Variants in RUVBL2 observed in about 807,000 individuals in gnomAD.
RUVBL2 encodes the protein RuvB like AAA ATPase 2, also known as ruvB-like 2.
A neutral mutation model predicts 57.9 loss-of-function variants in RUVBL2; 9 were observed. That is an observed-to-expected ratio of 0.16 (90% CI 0.09 to 0.27). The LOEUF is 0.27. Ranked by LOEUF, RUVBL2 falls within the 10% of genes least tolerant of loss-of-function variation. The pLI is 1.00. For missense variants in RUVBL2, 456 were observed against 669.6 expected (o/e 0.68, Z 3.52); for synonymous variants, 278 against 264.6 (o/e 1.05, Z -0.49).
intron 13 of RUVBL2, 139 bp downstream of exon 13, chr19:49,015,289 T>C: frequency 8.2e-7 from 1 of 1,225,324 alleles, no homozygotes; most frequent in Non-Finnish European, 1.1e-6. Context: ...GGTTGGCTTC[T>C]GTATCATCCA....
intron 1 of RUVBL2, among the ~76,000 whole-genome samples, chr19:48,996,278 T>C (rs889544987): frequency 7.2e-5 from 11 of 152,178 alleles, no homozygotes; most frequent in African/African-American, 2.6e-4. Flanking sequence ...TGTCAGAAAA[T>C]AATGTAACAG....
intron 1 of RUVBL2, among the ~76,000 whole-genome samples, chr19:48,998,386 C>T (rs773704756): frequency 5.9e-5 from 9 of 152,106 alleles, no homozygotes; most frequent in Non-Finnish European, 1.2e-4. Flanking sequence ...TTATGGAGCT[C>T]ACAGTTATTA....
Position 49,010,376 on chromosome 19 carries a change from C to T in RUVBL2, c.664-112C>T. 4.5e-6 allele frequency: 5 copies of T among 1,113,410 alleles called. No homozygotes were observed. The South Asian group carries it at 5.6e-5, about 12-fold the overall frequency. 69.0% of individuals were successfully genotyped at this position (1,113,410 alleles called of 1,614,324 possible). On this transcript the variant is annotated intron_variant, in intron 8 of 14. Coordinates refer to ENST00000595090, the MANE Select transcript of RUVBL2 (RefSeq NM_006666.3). ...TTTCCAGATGACCCCATTTAGCCTCCCAGCTCCATTTCCTGGAGCTCCAGT... is the reference window on the plus strand; with the variant it reads ...TTTCCAGATGACCCCATTTAGCCTCTCAGCTCCATTTCCTGGAGCTCCAGT...
Position 49,010,482 on chromosome 19 carries a change from C to CCCCCCCCCCCCCCCCT in RUVBL2, c.664-5_664-4insCCCCCCCCCCCCCCTC. 1.2e-6 allele frequency: 2 copies of CCCCCCCCCCCCCCCCT among 1,605,478 alleles called. No individual in the cohort carries two copies. The highest frequency in any genetic ancestry group is 1.1e-5 in the South Asian group (1 of 90,834). ...CCGCCGTTCTTCCCCCACCCCCGCC[C>CCCCCCCCCCCCCCCCT]CATAGACCAAGTTCGTGCAGTGCCC... is the stretch of plus-strand genomic sequence containing the variant. On this transcript the variant is annotated splice_polypyrimidine_tract_variant and splice_region_variant and intron_variant, in intron 8 of 14. Coordinates refer to ENST00000595090, the MANE Select transcript of RUVBL2 (RefSeq NM_006666.3).
chr19:49,010,811 C>T (rs1157238467), intron 9 of RUVBL2, among the ~76,000 whole-genome samples, 188 bp from the exon 10 acceptor site: 1 of 152,206 alleles, frequency 6.6e-6, no homozygotes, highest in Non-Finnish European at 1.5e-5. Context: ...GGGTGTGGCC[C>T]TGCCCTCTCC....
At chr19:48,993,882 C>T, upstream of RUVBL2, 1 of 1,614,090 alleles carries the variant, frequency 6.2e-7, no homozygotes. Flanking sequence ...GTTTCCGTTT[C>T]CGCTAGGACT....
Position 49,009,296 on chromosome 19 carries a change from G to C in RUVBL2, c.463-480G>C, listed in dbSNP as rs1046766778. Among the ~76,000 whole-genome samples the C allele has an allele frequency of 3.3e-5, 5 of 150,278 alleles. No homozygotes were observed. The Admixed American group carries it at 3.3e-4, about 10-fold the overall frequency. ...AAGGTCAGGAGATCGAGACCATCCT[G>C]GCTATCACAGTGAAACCCCATCTCT... On this transcript the variant is annotated intron_variant, in intron 6 of 14. Transcript: ENST00000595090.
intron 4 of RUVBL2, among the ~76,000 whole-genome samples, chr19:49,006,290 G>T (rs532820720): frequency 6.6e-6 from 1 of 152,258 alleles, no homozygotes; most frequent in Non-Finnish European, 1.5e-5. Flanking sequence ...AAACCTTGTG[G>T]CCAGGGAACT....
intron 1 of RUVBL2, 38 bp from the exon 2 acceptor site, chr19:48,999,281 C>CCA (rs2039129844): frequency 2.5e-6 from 4 of 1,611,770 alleles, no homozygotes; most frequent in Non-Finnish European, 3.4e-6. Flanking sequence ...AAAGCTGGGA[C>CCA]CACACTAGTC....
At chr19:49,010,644 C>T in intron 9 of RUVBL2, 33 bp downstream of exon 9, 2 of 1,611,478 alleles carry the variant, frequency 1.2e-6, no homozygotes, top group Non-Finnish European at 1.7e-6. Context: ...CTGCCCTGCC[C>T]TGCCCCAGGC....
In RUVBL2 at chr19:49,006,065, C is replaced by T. The variant is rs564161419; in HGVS notation, c.266-953C>T. On this transcript the variant is annotated intron_variant, in intron 4 of 14. Coordinates refer to ENST00000595090, the MANE Select transcript of RUVBL2 (RefSeq NM_006666.3). Reference sequence around the variant, plus strand: ...GAGGCTAGCCTCGCCCTGGCGGGGACGCTTCTTAGTCTAGTGAAAGAGGCA... The same window carrying T: ...GAGGCTAGCCTCGCCCTGGCGGGGATGCTTCTTAGTCTAGTGAAAGAGGCA... Among the ~76,000 whole-genome samples, 5 of 152,368 alleles carry T rather than the reference C, an allele frequency of 3.3e-5. No individual in the cohort carries two copies. The East Asian group carries it at 9.7e-4, about 29-fold the overall frequency.
chr19:48,999,372 C>A lies in RUVBL2; in HGVS notation c.66C>A (p.Ile22=). ...EIRDVTRIER[I]GAHSHIRGLG... is the part of the protein sequence containing the mutation. ...GTGATGTAACAAGGATTGAGCGAAT[C>A]GGTGAGTGAGTTGGGTCAGGAATAG... is the stretch of plus-strand genomic sequence containing the variant. The change falls in exon 2 of 15, where the codon ATC becomes ATA. Residue 22 remains isoleucine, a splice_region_variant and synonymous_variant. Transcript: ENST00000595090. The A allele has an allele frequency of 6.2e-7, 1 of 1,614,200 alleles. No individual in the cohort carries two copies. The highest frequency in any genetic ancestry group is 8.5e-7 in the Non-Finnish European group (1 of 1,180,030).
At chr19:49,013,264 A>ATT (rs776153588) in intron 11 of RUVBL2, among the ~76,000 whole-genome samples, 12 of 134,346 alleles carry the variant, frequency 8.9e-5, no homozygotes, top group Non-Finnish European at 1.4e-4. Context: ...GTCCGGCCTA[A>ATT]TTTTTTTTTT....
intron 11 of RUVBL2, among the ~76,000 whole-genome samples, chr19:49,013,342 C>T (rs927981556): frequency 6.6e-6 from 1 of 150,824 alleles, no homozygotes; most frequent in African/African-American, 2.4e-5. Flanking sequence ...TCAAGCAATC[C>T]ACCCGCCTCA....
At chr19:48,996,191 G>C (rs1452021642) in intron 1 of RUVBL2, among the ~76,000 whole-genome samples, 2 of 151,890 alleles carry the variant, frequency 1.3e-5, no homozygotes, top group Non-Finnish European at 2.9e-5. Flanking sequence ...AGGAGACCTG[G>C]GGATGGGTGG....
rs758206972 is a variant in RUVBL2 at position 49,011,153 on chromosome 19, G to A, written c.883-39G>A. 2.5e-6 allele frequency: 4 copies of A among 1,610,320 alleles called. No homozygotes were observed. The highest frequency in any genetic ancestry group is 2.2e-5 in the South Asian group (2 of 90,914). On this transcript the variant is annotated intron_variant, in intron 10 of 14. Coordinates refer to ENST00000595090, the MANE Select transcript of RUVBL2 (RefSeq NM_006666.3). This position sits in a 1 kb window ranked among gnomAD's most constrained non-coding sequence, Gnocchi z 4.4. ...GGGTGGAGGTGGGCCGGGGAAGTGG[G>A]GACGCGGGTGGTGACTCTCACACAC...
rs2039430145 is a variant in RUVBL2, at chr19:49,011,588, C to A, written c.1001+278C>A. Among the ~76,000 whole-genome samples the A allele has an allele frequency of 6.6e-6, 1 of 152,236 alleles. No individual in the cohort carries two copies. Among genetic ancestry groups the A allele is most frequent in the African/African-American group, 2.4e-5 (1 of 41,448 alleles). ...AGGCACCCCAGGGTGCTGCAGGAAA[C>A]TCACAGGAGTGCTGTGGGATGTTTT... On this transcript the variant is annotated intron_variant, in intron 11 of 14. Transcript: ENST00000595090. This position sits in a 1 kb window ranked among gnomAD's most constrained non-coding sequence, Gnocchi z 4.4.
chr19:48,999,874 G>A (rs868771728), intron 2 of RUVBL2, among the ~76,000 whole-genome samples: 3 of 152,166 alleles, frequency 2.0e-5, no homozygotes, highest in Admixed American at 6.6e-5. Context: ...TGATTTTCAG[G>A]ACAGCTAAAT....
chr19:49,010,685 C>T (rs537384760), intron 9 of RUVBL2, 74 bp downstream of exon 9: 2 of 1,586,590 alleles, frequency 1.3e-6, no homozygotes, highest in African/African-American at 2.7e-5. Context: ...CCCTCTGTTC[C>T]TGAGCTCCGA....
Sources: allele counts gnomAD v4.1 joint callset (sites outside exome capture counted in the v4.1 genomes callset), GRCh38; gene constraint gnomAD v4.1.1; non-coding constraint Gnocchi (gnomAD v3.1); transcripts MANE v1.5; gene names NCBI Gene and HGNC (gene_info 2026-07-23, HGNC 2026-07-21).